The following CGNL1 variants were observed in gnomAD, a reference collection of about 807,000 sequenced individuals.
CGNL1 encodes the protein cingulin-like protein 1.
A neutral mutation model predicts 141.2 loss-of-function variants in CGNL1; 132 were observed. The ratio of observed to expected loss-of-function variants is 0.93; its 90% CI spans 0.81 to 1.08. The LOEUF (loss-of-function observed/expected upper bound fraction) is 1.08, where lower values mean the gene tolerates loss of function less well. Among genes scored for constraint, CGNL1 ranks in the 50% least tolerant of loss-of-function variants. CGNL1 has a pLI of 0.00. For synonymous variants in CGNL1, 690 were observed against 622.1 expected, an observed-to-expected ratio of 1.11 and a Z score of -1.63; for missense variants, 1,870 against 1,588.6, an observed-to-expected ratio of 1.18 and a Z score of -3.01.
intron 8 of CGNL1, among the ~76,000 whole-genome samples, chr15:57,474,804 G>GGA (rs1342206816): frequency 1.3e-5 from 2 of 152,198 alleles, no homozygotes; most frequent in African/African-American, 2.4e-5. Context: ...GTAGGGGGAT[G>GGA]GAGTAAGAGG....
intron 1 of CGNL1, among the ~76,000 whole-genome samples, chr15:57,420,383 C>T (rs1470474325): frequency 1.3e-5 from 2 of 152,184 alleles, no homozygotes; most frequent in Non-Finnish European, 2.9e-5. Context: ...TAACCATCTA[C>T]AAATCAGGTG....
intron 1 of CGNL1, among the ~76,000 whole-genome samples, chr15:57,411,146 A>G (rs1448512453): frequency 6.6e-6 from 1 of 152,208 alleles, no homozygotes; most frequent in Non-Finnish European, 1.5e-5. Flanking sequence ...GTTGGACTCC[A>G]TCCACAGACA....
chr15:57,460,987 T>G (rs1394909813), intron 7 of CGNL1, among the ~76,000 whole-genome samples: 1 of 151,912 alleles, frequency 6.6e-6, no homozygotes, highest in Non-Finnish European at 1.5e-5. Flanking sequence ...CAAAGGTGTC[T>G]GTGAGGGCGA....
intron 8 of CGNL1, among the ~76,000 whole-genome samples, chr15:57,473,267 C>T (rs1450387890): frequency 6.6e-6 from 1 of 152,202 alleles, no homozygotes; most frequent in Non-Finnish European, 1.5e-5. Flanking sequence ...CCTCTAAATT[C>T]TGCCTGATGG....
At position 57,452,240 on chromosome 15, in the gene CGNL1, C is replaced by T. The variant is rs1190174126; in HGVS notation, c.2005C>T (p.Gln669Ter). ...AAAGGTGGAGGAGAACTCCACATTG[C>T]AGCAACGACTGGAAGAAAGTGAAGG... ...NEKVEENSTL[Q>*]QRLEESEGEL... The change falls in exon 6 of 19, where the codon CAG becomes TAG. Residue 669 changes from glutamine to a stop codon, truncating the protein, a stop_gained. Transcript: ENST00000281282. LOFTEE classifies it high-confidence loss of function. 5 of 1,613,852 alleles carry T rather than the reference C, an allele frequency of 3.1e-6. No homozygotes were observed.
At chr15:57,465,826 T>A (rs1222795859) in intron 8 of CGNL1, among the ~76,000 whole-genome samples, 1 of 152,220 alleles carries the variant, frequency 6.6e-6, no homozygotes, top group Non-Finnish European at 1.5e-5. Flanking sequence ...CAGCACTTTA[T>A]CCTAGCTTGA....
chr15:57,383,292 C>CTTTTTTTTTTTGTT (rs561855340), intron 1 of CGNL1, among the ~76,000 whole-genome samples: 1 of 109,602 alleles, frequency 9.1e-6, no homozygotes, highest in African/African-American at 3.6e-5. Context: ...TTCTTTCTTC[C>CTTTTTTTTTTTGTT]TTTTTTTTTT....
intron 13 of CGNL1, among the ~76,000 whole-genome samples, chr15:57,530,914 C>T (rs1595803433): frequency 6.6e-6 from 1 of 152,176 alleles, no homozygotes; most frequent in African/African-American, 2.4e-5. Flanking sequence ...ATGCCAATTG[C>T]TTTTTAGCAT....
chr15:57,425,966 G>C (rs1164709063), intron 1 of CGNL1, among the ~76,000 whole-genome samples: 1 of 151,878 alleles, frequency 6.6e-6, no homozygotes, highest in East Asian at 1.9e-4. Context: ...TGGAGTAATG[G>C]AGTAGATGGC....
intron 1 of CGNL1, among the ~76,000 whole-genome samples, chr15:57,419,425 T>G (rs1432906304): frequency 6.6e-6 from 1 of 152,190 alleles, no homozygotes. Context: ...ATCCCGATTT[T>G]CTTAGTTTTA....
intron 4 of CGNL1, among the ~76,000 whole-genome samples, chr15:57,447,856 T>G (rs2063275834): frequency 6.6e-6 from 1 of 151,230 alleles, no homozygotes; most frequent in Non-Finnish European, 1.5e-5. Context: ...ATGTTGTATG[T>G]TTGGGGCATC....
chr15:57,421,152 A>C (rs1247260205), intron 1 of CGNL1, among the ~76,000 whole-genome samples: 3 of 152,204 alleles, frequency 2.0e-5, no homozygotes, highest in African/African-American at 4.8e-5. Context: ...CCGTGTGAGA[A>C]CATAGCAAGA....
chr15:57,517,003 C>T lies in CGNL1; in HGVS notation c.2610+17C>T. The T allele has an allele frequency of 6.2e-7, 1 of 1,606,940 alleles. No individual in the cohort carries two copies. The highest frequency in any genetic ancestry group is 8.5e-7 in the Non-Finnish European group (1 of 1,177,038). ...AAGTACGAGGTGAGGCTCGCTGGGC[C>T]CAGGCCCAGCTTTGGCAGCTGCTGC... On this transcript the variant is annotated intron_variant, in intron 9 of 18. Transcript: ENST00000281282.
chr15:57,524,852 G>A (rs10518925), intron 12 of CGNL1, 101 bp downstream of exon 12: 444,510 of 1,163,834 alleles, frequency 0.38, 90,670 homozygotes, highest in Non-Finnish European at 0.42. Context: ...TCGTGAGACA[G>A]CTTTGGTGCT....
In CGNL1 at chr15:57,523,584, C is replaced by A. The variant is rs150883802; in HGVS notation, c.2811C>A (p.Asn937Lys). 3.7e-5 allele frequency: 60 copies of A among 1,613,914 alleles called. No individual in the cohort carries two copies. The highest frequency in any genetic ancestry group is 4.7e-5 in the Non-Finnish European group (55 of 1,180,014). The change falls in exon 11 of 19, where the codon AAC becomes AAA. Residue 937 changes from asparagine to lysine, a missense_variant. Coordinates refer to ENST00000281282, the MANE Select transcript of CGNL1 (RefSeq NM_032866.5). ...AGGAGCAGCTAAGAAGGTTGAAGAA[C>A]GAGATGGAGAATGAGCGGTGGCACC... ...EQKEQLRRLK[N>K]EMENERWHLG...
At chr15:57,525,626 A>AC (rs1194100644) in intron 12 of CGNL1, among the ~76,000 whole-genome samples, 1 of 152,212 alleles carries the variant, frequency 6.6e-6, no homozygotes, top group Non-Finnish European at 1.5e-5. Flanking sequence ...TTTTTCATGA[A>AC]CAGTGCCGAG....
chr15:57,393,317 CA>C (rs1188940873), intron 1 of CGNL1, among the ~76,000 whole-genome samples: 2 of 152,194 alleles, frequency 1.3e-5, no homozygotes, highest in African/African-American at 4.8e-5. Flanking sequence ...ATGGTAAGAT[CA>C]TTTCCTTTGG....
chr15:57,497,234 G>C (rs562264330), intron 8 of CGNL1, among the ~76,000 whole-genome samples: 4 of 152,324 alleles, frequency 2.6e-5, no homozygotes, highest in East Asian at 1.9e-4. Context: ...AGGAAAGAAG[G>C]CCTTTGGCAA....
chr15:57,461,334 A>C (rs1270736858), intron 7 of CGNL1, among the ~76,000 whole-genome samples: 1 of 152,220 alleles, frequency 6.6e-6, no homozygotes, highest in Non-Finnish European at 1.5e-5. Flanking sequence ...CAGCACACAC[A>C]GGGCAAGAGC....
Sources: gnomAD v4.1 joint callset for allele counts (sites outside exome capture counted in the v4.1 genomes callset) on GRCh38, gnomAD v4.1.1 for gene constraint, MANE v1.5 for transcripts, NCBI Gene and HGNC (gene_info 2026-07-23, HGNC 2026-07-21) for gene names.